RTEL1: variants seen among roughly 807,000 people sequenced by gnomAD.
RTEL1 encodes regulator of telomere elongation helicase 1, also known as regulator of telomere length.
In RTEL1, 86 loss-of-function variants were observed where a neutral mutation model predicts 162.2. That is an observed-to-expected ratio of 0.53 (90% CI 0.45 to 0.63). RTEL1 has a LOEUF of 0.63. Among genes scored for constraint, RTEL1 ranks in the 30% least tolerant of loss-of-function variants. The pLI, the probability that RTEL1 is intolerant of heterozygous loss-of-function variation, is 0.00. For synonymous variants in RTEL1, 958 were observed against 717.9 expected (o/e 1.33, Z -5.35); for missense variants, 1,941 against 1,750.2 (o/e 1.11, Z -1.95).
At chr20:63,682,419 A>C (rs2090496220) in intron 14 of RTEL1, 1 of 985,316 alleles carries the variant, frequency 1.0e-6, no homozygotes, top group Non-Finnish European at 1.2e-6. Flanking sequence ...CCTCCCACTT[A>C]AGGAGAAGTC....
rs1156451904 is a variant in RTEL1, at chr20:63,685,758, G to A, written c.1267-33G>A. 4.4e-6 allele frequency: 7 copies of A among 1,605,628 alleles called. No individual in the cohort carries two copies. The Admixed American group carries it at 1.2e-4, about 27-fold the overall frequency. On this transcript the variant is annotated intron_variant, in intron 15 of 34. Transcript: ENST00000360203. ...AGGGGCTGCCCCCAGGACATGGGCG[G>A]GGCCTCCACACTCCTGGTCCTGTCC...
chr20:63,666,517 T>C (rs2090130978), intron 7 of RTEL1, among the ~76,000 whole-genome samples: 1 of 152,206 alleles, frequency 6.6e-6, no homozygotes. Context: ...AAAGCTCTTC[T>C]TATATTGAGG....
rs368569365 is a variant in RTEL1 at position 63,690,075 on chromosome 20, G to A, written c.2142-12G>A. On this transcript the variant is annotated splice_polypyrimidine_tract_variant and intron_variant, in intron 24 of 34. Coordinates refer to ENST00000360203, the MANE Select transcript of RTEL1 (RefSeq NM_001283009.2). ...CTGTGGGCAGGGCAGCAGGGCTATG[G>A]CCACCCCCCAGGTTCGCCTTTGCCG... is the stretch of plus-strand genomic sequence containing the variant. 1.2e-5 allele frequency: 19 copies of A among 1,608,982 alleles called. No individual in the cohort carries two copies. The African/African-American group carries it at 2.1e-4, about 18-fold the overall frequency.
chr20:63,689,544 G>A lies in RTEL1; in HGVS notation c.1921G>A (p.Val641Met). The A allele has an allele frequency of 6.2e-7, 1 of 1,611,126 alleles. No homozygotes were observed. Among genetic ancestry groups the A allele is most frequent in the Non-Finnish European group, 8.5e-7 (1 of 1,179,404 alleles). ...LDFSDTNGRG[V>M]IVTGLPYPPR... ...CTTCTCAGACACGAATGGCCGTGGT[G>A]TGATTGTCACGGGCCTCCCGTACCC... The change falls in exon 23 of 35, where the codon GTG becomes ATG. Residue 641 changes from valine (V) to methionine (M), a missense_variant. Val to Met is a conservative substitution (Grantham distance 21). Coordinates refer to ENST00000360203, the MANE Select transcript of RTEL1 (RefSeq NM_001283009.2).
Position 63,696,194 on chromosome 20 carries a change from C to T in RTEL1, c.*336C>T. 1 of 432,798 alleles carries T rather than the reference C, an allele frequency of 2.3e-6. No individual in the cohort carries two copies. Among genetic ancestry groups the T allele is most frequent in the Non-Finnish European group, 4.2e-6 (1 of 240,294 alleles). 26.8% of individuals were successfully genotyped at this position (432,798 alleles called of 1,614,324 possible). On this transcript the variant is annotated 3_prime_UTR_variant, in exon 35 of 35. Coordinates refer to ENST00000360203, the MANE Select transcript of RTEL1 (RefSeq NM_001283009.2). Reference sequence around the variant, plus strand: ...GGAGGAGACCCCCGTGGGCACGTGTCCACTTTTAATCAGGGGACAGGGCTC... The same window carrying T: ...GGAGGAGACCCCCGTGGGCACGTGTTCACTTTTAATCAGGGGACAGGGCTC...
chr20:63,680,677 C>T lies in RTEL1; in HGVS notation c.1149C>T (p.Phe383=). 6.2e-7 allele frequency: 1 copy of T among 1,613,252 alleles called. No homozygotes were observed. Among genetic ancestry groups the T allele is most frequent in the South Asian group, 1.1e-5 (1 of 91,068 alleles). Reference sequence around the variant, plus strand: ...GCTGCCCTCCAGGTGCTGGAGTGTTCACCAACACGGCCGGACTGCAGAAGC... The same window carrying T: ...GCTGCCCTCCAGGTGCTGGAGTGTTTACCAACACGGCCGGACTGCAGAAGC... ...IQHLAGRAGV[F]TNTAGLQKLA... The change falls in exon 14 of 35, where the codon TTC becomes TTT. Residue 383 remains phenylalanine (F), a synonymous_variant. Coordinates refer to ENST00000360203, the MANE Select transcript of RTEL1 (RefSeq NM_001283009.2).
At chr20:63,679,792 C>T in intron 12 of RTEL1, 57 bp from the exon 13 acceptor site, 1 of 1,375,082 alleles carries the variant, frequency 7.3e-7, no homozygotes. Context: ...CCTCAGTTCC[C>T]AAAGCTGCAG....
chr20:63,659,583 C>G, intron 2 of RTEL1, 79 bp downstream of exon 2: 11 of 1,090,706 alleles, frequency 1.0e-5, no homozygotes, highest in Middle Eastern at 2.0e-4. Context: ...CTCTCCCGGC[C>G]CATTCCAGCC....
At chr20:63,671,548 C>T (rs2090241750) in intron 8 of RTEL1, among the ~76,000 whole-genome samples, 1 of 151,688 alleles carries the variant, frequency 6.6e-6, no homozygotes, top group Non-Finnish European at 1.5e-5. Flanking sequence ...GTGGTGCGAT[C>T]TCCACTCACT....
chr20:63,675,706 G>T (rs1475043487), intron 10 of RTEL1, among the ~76,000 whole-genome samples: 1 of 152,212 alleles, frequency 6.6e-6, no homozygotes. Flanking sequence ...GGGAGTTGCA[G>T]TGGGGGAAGG....
At chr20:63,694,705 C>G (rs953502695) in intron 31 of RTEL1, 36 bp from the exon 32 acceptor site, 1 of 1,531,314 alleles carries the variant, frequency 6.5e-7, no homozygotes, top group African/African-American at 1.4e-5. Context: ...GTCCTCCACC[C>G]CAGCGCCACT....
At chr20:63,672,303 C>T (rs1329519784) in intron 8 of RTEL1, among the ~76,000 whole-genome samples, 1 of 152,162 alleles carries the variant, frequency 6.6e-6, no homozygotes, top group Non-Finnish European at 1.5e-5. Flanking sequence ...CCCAGGGCAT[C>T]GTGGCCGTCT....
At chr20:63,663,175 C>T (rs2146157049) in intron 6 of RTEL1, among the ~76,000 whole-genome samples, 1 of 152,366 alleles carries the variant, frequency 6.6e-6, no homozygotes, top group East Asian at 1.9e-4. Context: ...GGTCTCCCTG[C>T]ACCTAACCTG....
rs771721817 is a variant in RTEL1, at chr20:63,690,349, T to C, written c.2321T>C (p.Val774Ala). ...CCCAGTGTGCGTGGAGAAGATGCTG[T>C]CAGCGAGGCCAAGTCGCCTGGCCCC... Reference protein sequence around the residue: ...TAPSVRGEDAVSEAKSPGPFF... With the variant: ...TAPSVRGEDAASEAKSPGPFF... Residue 774 changes from valine (V) to alanine (A), a missense_variant, in exon 26 of 35, where the codon GTC becomes GCC. Physicochemically the swap from Val to Ala is moderately conservative, Grantham distance 64. Transcript: ENST00000360203. 2 of 1,611,766 alleles carry C rather than the reference T, an allele frequency of 1.2e-6. No individual in the cohort carries two copies. The highest frequency in any genetic ancestry group is 3.3e-5 in the Admixed American group (2 of 59,942).
At chr20:63,673,096 C>CA (rs373458837) in intron 9 of RTEL1, among the ~76,000 whole-genome samples, 29 of 145,838 alleles carry the variant, frequency 2.0e-4, no homozygotes, top group African/African-American at 4.0e-4. Context: ...GATTCTGTGT[C>CA]AAAAAAAAAA....
At chr20:63,680,309 A>G (rs1345941828) in intron 13 of RTEL1, among the ~76,000 whole-genome samples, 1 of 152,192 alleles carries the variant, frequency 6.6e-6, no homozygotes, top group Admixed American at 6.5e-5. Flanking sequence ...CGGTGTCCCC[A>G]TGGGCTGCTC....
At chr20:63,691,351 TC>T (rs2145436995) in intron 27 of RTEL1, among the ~76,000 whole-genome samples, 1 of 152,236 alleles carries the variant, frequency 6.6e-6, no homozygotes, top group South Asian at 2.1e-4. Flanking sequence ...AGCCCATAAT[TC>T]CTCAGGCCAA....
chr20:63,673,896 A>T (rs767975008), intron 9 of RTEL1, 44 bp from the exon 10 acceptor site: 1 of 1,566,608 alleles, frequency 6.4e-7, no homozygotes, highest in East Asian at 2.3e-5. Context: ...GGAACCCCCG[A>T]TCCTGTCCTG....
chr20:63,676,766 C>T (rs1235736030), intron 10 of RTEL1, among the ~76,000 whole-genome samples: 6 of 152,182 alleles, frequency 3.9e-5, no homozygotes, highest in African/African-American at 1.4e-4. Context: ...AACCCCGTCT[C>T]TACTAAAAAT....
Sources: allele counts gnomAD v4.1 joint callset (sites outside exome capture counted in the v4.1 genomes callset), GRCh38; gene constraint gnomAD v4.1.1; transcripts MANE v1.5; gene names NCBI Gene and HGNC (gene_info 2026-07-23, HGNC 2026-07-21).